Variants in EYS observed in about 807,000 individuals in gnomAD.
EYS encodes protein eyes shut homolog.
Under a neutral mutation model 282.1 loss-of-function variants are expected in EYS, and 250 were observed. The observed-to-expected ratio is 0.89, with a 90% CI of 0.80 to 0.98. The LOEUF (loss-of-function observed/expected upper bound fraction) is 0.98, where lower values mean the gene tolerates loss of function less well. EYS is among the 50% of genes least tolerant of loss of function. EYS has a pLI of 0.00. For synonymous variants in EYS, 1,355 were observed against 1,282.9 expected (o/e 1.06, Z -1.20); for missense variants, 4,016 against 3,709.0 (o/e 1.08, Z -2.15).
intron 26 of EYS, among the ~76,000 whole-genome samples, chr6:64,578,618 TGTG>T (rs1765963256): frequency 1.4e-5 from 2 of 140,636 alleles, no homozygotes; most frequent in East Asian, 2.6e-4. Flanking sequence ...TGTGTGTGTG[TGTG>T]GTGTGTGTGT....
intron 36 of EYS, among the ~76,000 whole-genome samples, chr6:63,825,615 C>T (rs1300436532): frequency 2.0e-5 from 3 of 152,176 alleles, no homozygotes; most frequent in African/African-American, 4.8e-5. Context: ...TAGGTAGACT[C>T]GCTGGATGGT....
At chr6:65,028,558 A>G (rs1772497934) in intron 13 of EYS, among the ~76,000 whole-genome samples, 1 of 152,050 alleles carries the variant, frequency 6.6e-6, no homozygotes, top group Non-Finnish European at 1.5e-5. Flanking sequence ...ATAATAGTCT[A>G]GTAATTTTGA....
intron 26 of EYS, among the ~76,000 whole-genome samples, chr6:64,576,370 C>T (rs926174887): frequency 2.0e-5 from 3 of 151,910 alleles, no homozygotes; most frequent in African/African-American, 4.8e-5. Flanking sequence ...GTTTTTAGAA[C>T]GTTAAAGAAG....
intron 10 of EYS, among the ~76,000 whole-genome samples, chr6:65,339,783 T>C (rs1036154066): frequency 2.6e-5 from 4 of 151,252 alleles, no homozygotes; most frequent in African/African-American, 9.7e-5. Context: ...AAGAGTACTA[T>C]TTTCTTTGAT....
At chr6:64,898,145 C>T (rs748303330) in intron 18 of EYS, among the ~76,000 whole-genome samples, 2 of 152,006 alleles carry the variant, frequency 1.3e-5, no homozygotes, top group African/African-American at 4.8e-5. Context: ...CCCCAAGGCA[C>T]ATAATCGTCA....
At chr6:65,512,480 G>A (rs1474807205) in intron 2 of EYS, among the ~76,000 whole-genome samples, 5 of 123,678 alleles carry the variant, frequency 4.0e-5, no homozygotes, top group African/African-American at 9.9e-5. Flanking sequence ...GCGACAGAGC[G>A]AGACTCTATC....
At position 65,392,968 on chromosome 6, in the gene EYS, T is replaced by G. The variant is rs557552555; in HGVS notation, c.1185-8468A>C. ...CTGGATTAAGAAAATGTGTCACATA[T>G]ACACCATGGAATACTATGCAGCCAT... On this transcript the variant is annotated intron_variant, in intron 7 of 42. Coordinates refer to ENST00000503581, the MANE Select transcript of EYS (RefSeq NM_001142800.2). 2.6e-4 allele frequency among the ~76,000 whole-genome samples: 39 copies of G among 152,272 alleles called. 1 individual carries two copies. The highest frequency in any genetic ancestry group is 9.2e-4 in the Admixed American group (14 of 15,290).
intron 31 of EYS, among the ~76,000 whole-genome samples, chr6:64,122,628 C>G (rs1324856240): frequency 6.6e-6 from 1 of 151,912 alleles, no homozygotes; most frequent in Non-Finnish European, 1.5e-5. Context: ...TTATTTCTAA[C>G]AAGGAATATT....
chr6:64,329,437 C>A (rs1770557865), intron 29 of EYS, among the ~76,000 whole-genome samples: 1 of 152,006 alleles, frequency 6.6e-6, no homozygotes, highest in South Asian at 2.1e-4. Flanking sequence ...CTTACTGTCC[C>A]AACAACAGAG....
intron 14 of EYS, among the ~76,000 whole-genome samples, chr6:64,983,988 A>C (rs1284996025): frequency 6.6e-6 from 1 of 151,396 alleles, no homozygotes; most frequent in Non-Finnish European, 1.5e-5. Flanking sequence ...TAAAGTAGGC[A>C]GAGACTACTC....
chr6:64,275,970 A>G (rs1768103212), intron 30 of EYS, among the ~76,000 whole-genome samples: 1 of 151,904 alleles, frequency 6.6e-6, no homozygotes, highest in African/African-American at 2.4e-5. Context: ...ATCTCAAAAA[A>G]AAAAAAAGCT....
chr6:64,604,720 A>G (rs916118360), intron 24 of EYS, among the ~76,000 whole-genome samples: 1 of 152,070 alleles, frequency 6.6e-6, no homozygotes, highest in Admixed American at 6.6e-5. Flanking sequence ...ATCTTCTAGC[A>G]GACTAAAGAA....
chr6:64,002,865 T>C (rs956349818), intron 33 of EYS, among the ~76,000 whole-genome samples: 1 of 152,208 alleles, frequency 6.6e-6, no homozygotes, highest in Non-Finnish European at 1.5e-5. Context: ...TTGTGTCTTT[T>C]GCTTATTTGT....
chr6:65,459,807 ACAGT>A (rs1764751545), intron 5 of EYS, among the ~76,000 whole-genome samples: 1 of 150,886 alleles, frequency 6.6e-6, no homozygotes, highest in South Asian at 2.1e-4. Flanking sequence ...AAATATATTT[ACAGT>A]CATAGTATGA....
At chr6:64,914,106 C>T (rs904617813) in intron 15 of EYS, among the ~76,000 whole-genome samples, 2 of 151,802 alleles carry the variant, frequency 1.3e-5, no homozygotes, top group African/African-American at 2.4e-5. Context: ...TTCTAGCAGA[C>T]AGGAGGGGGA....
At chr6:64,744,519 C>T (rs977114076) in intron 22 of EYS, among the ~76,000 whole-genome samples, 5 of 152,112 alleles carry the variant, frequency 3.3e-5, no homozygotes, top group Non-Finnish European at 4.4e-5. Context: ...AATGTCTATA[C>T]GCAACCAGTA....
At chr6:64,043,348 A>G (rs1226139608) in intron 33 of EYS, among the ~76,000 whole-genome samples, 1 of 152,228 alleles carries the variant, frequency 6.6e-6, no homozygotes, top group Non-Finnish European at 1.5e-5. Flanking sequence ...TGGAATGTTT[A>G]TAGCAACAGG....
At chr6:64,548,998 C>T (rs1460303998) in intron 26 of EYS, among the ~76,000 whole-genome samples, 1 of 152,130 alleles carries the variant, frequency 6.6e-6, no homozygotes, top group Non-Finnish European at 1.5e-5. Context: ...ATGATCATTA[C>T]TCTACAAGCT....
intron 33 of EYS, among the ~76,000 whole-genome samples, chr6:64,056,586 T>A (rs530588545): frequency 1.3e-5 from 2 of 152,322 alleles, no homozygotes; most frequent in Non-Finnish European, 2.9e-5. Context: ...TCCTTCAACC[T>A]AATTTCTGCT....
Sources: allele counts gnomAD v4.1 joint callset (sites outside exome capture counted in the v4.1 genomes callset), GRCh38; gene constraint gnomAD v4.1.1; transcripts MANE v1.5; gene names NCBI Gene and HGNC (gene_info 2026-07-23, HGNC 2026-07-21).